Variants in TNR observed in about 807,000 individuals in gnomAD.
TNR encodes the protein tenascin R.
In TNR, 45 loss-of-function variants were observed where a neutral mutation model predicts 150.4. The observed-to-expected ratio is 0.30, with a 90% CI of 0.24 to 0.38. The LOEUF (loss-of-function observed/expected upper bound fraction) is 0.38, where lower values mean the gene tolerates loss of function less well. Ranked by LOEUF, TNR falls within the 10% of genes least tolerant of loss-of-function variation. The pLI, the probability that TNR is intolerant of heterozygous loss-of-function variation, is 1.00. For synonymous variants in TNR, 687 were observed against 678.4 expected (o/e 1.01, Z -0.20); for missense variants, 1,544 against 1,759.1 (o/e 0.88, Z 2.19).
chr1:175,679,642 T>G (rs759879543), intron 1 of TNR, among the ~76,000 whole-genome samples: 1 of 152,110 alleles, frequency 6.6e-6, no homozygotes, highest in Non-Finnish European at 1.5e-5. Flanking sequence ...AATCAAAGAT[T>G]TCTTGGAAGA....
chr1:175,362,950 G>A, intron 13 of TNR, 141 bp from the exon 14 acceptor site: 1 of 1,061,418 alleles, frequency 9.4e-7, no homozygotes, highest in East Asian at 2.4e-5. Flanking sequence ...TTCATGGGCT[G>A]GGAATGTTGG....
chr1:175,326,171 AG>A (rs1649379732), intron 21 of TNR, among the ~76,000 whole-genome samples: 1 of 152,150 alleles, frequency 6.6e-6, no homozygotes, highest in Non-Finnish European at 1.5e-5. Flanking sequence ...GATATTGTGC[AG>A]GGGGCTCAGG....
Position 175,403,629 on chromosome 1 carries a change from AG to A in TNR, c.500-14del. 6.2e-7 allele frequency: 1 copy of A among 1,600,208 alleles called. No individual in the cohort carries two copies. Among genetic ancestry groups the A allele is most frequent in the Non-Finnish European group, 8.5e-7 (1 of 1,170,830 alleles). ...TAGTCCAGTTGTCCTGGAATGGTCAAGGAGAAGGTCAAAGAGCAGCAGTGGC... is the reference window on the plus strand; with the variant it reads ...TAGTCCAGTTGTCCTGGAATGGTCAAGAGAAGGTCAAAGAGCAGCAGTGGC... On this transcript the variant is annotated splice_polypyrimidine_tract_variant and intron_variant, in intron 3 of 22. Coordinates refer to ENST00000367674, the MANE Select transcript of TNR (RefSeq NM_003285.3).
At chr1:175,516,672 A>C (rs896981613) in intron 2 of TNR, among the ~76,000 whole-genome samples, 9 of 152,340 alleles carry the variant, frequency 5.9e-5, no homozygotes, top group Non-Finnish European at 1.3e-4. Context: ...GAGCTTTTCC[A>C]AAGTGACTAT....
chr1:175,523,216 T>C (rs1659713539), intron 2 of TNR, among the ~76,000 whole-genome samples: 1 of 152,242 alleles, frequency 6.6e-6, no homozygotes, highest in Non-Finnish European at 1.5e-5. Context: ...AGAGAATACT[T>C]GTTTACCATT....
intron 2 of TNR, among the ~76,000 whole-genome samples, chr1:175,447,055 A>G (rs543146695): frequency 6.6e-6 from 1 of 152,148 alleles, no homozygotes; most frequent in Non-Finnish European, 1.5e-5. Context: ...GTTTGCGTGT[A>G]TGTGCATGTG....
At chr1:175,346,835 T>C (rs1385339139) in intron 18 of TNR, among the ~76,000 whole-genome samples, 1 of 150,200 alleles carries the variant, frequency 6.7e-6, no homozygotes, top group African/African-American at 2.4e-5. Flanking sequence ...AATAACAATG[T>C]GCCCAGGTGG....
rs141693438 is a variant in TNR, at chr1:175,578,194, A to G, written c.-164-49825T>C. 3.3e-3 allele frequency among the ~76,000 whole-genome samples: 496 copies of G among 152,126 alleles called. 4 individuals are homozygous for G. The highest frequency in any genetic ancestry group is 5.8e-3 in the Admixed American group (88 of 15,288). On this transcript the variant is annotated intron_variant, in intron 1 of 22. Coordinates refer to ENST00000367674, the MANE Select transcript of TNR (RefSeq NM_003285.3). ...AGTAGGTTCCACTTGTCAAATGTGG[A>G]CGTGGGTGTGAGGTGGAGCGGGCAG...
chr1:175,354,405 G>C lies in TNR; in HGVS notation c.3368C>G (p.Thr1123Ser). The C allele has an allele frequency of 6.2e-7, 1 of 1,614,024 alleles. No individual in the cohort carries two copies. Among genetic ancestry groups the C allele is most frequent in the Non-Finnish European group, 8.5e-7 (1 of 1,179,924 alleles). Reference sequence around the variant, plus strand: ...TGCTCCCTCACCTGTGGTGAAAGCGGTGGAGGTGATGCTGCTCCACGTGGT... The same window carrying C: ...TGCTCCCTCACCTGTGGTGAAAGCGCTGGAGGTGATGCTGCTCCACGTGGT... Reference protein sequence around the residue: ...QDTTWSSITSTAFTTGGRVFP... With the variant: ...QDTTWSSITSSAFTTGGRVFP... The change falls in exon 18 of 23, where the codon ACC (threonine) becomes AGC (serine). Residue 1123 changes from threonine to serine, a missense_variant. Coordinates refer to ENST00000367674, the MANE Select transcript of TNR (RefSeq NM_003285.3).
In TNR at chr1:175,362,681, AGAT is replaced by A; in HGVS notation, c.2833_2835del (p.Ile945del). 1 of 1,614,104 alleles carries A rather than the reference AGAT, an allele frequency of 6.2e-7. No individual in the cohort carries two copies. Among genetic ancestry groups the A allele is most frequent in the Non-Finnish European group, 8.5e-7 (1 of 1,179,966 alleles). ...TTCCCACCTGTGTGCACAAGAGTAC[AGAT>A]GCGCTCGCTTTCCTCCCTGCCCCGC... On this transcript the variant is annotated inframe_deletion, in exon 14 of 23. Coordinates refer to ENST00000367674, the MANE Select transcript of TNR (RefSeq NM_003285.3).
intron 1 of TNR, among the ~76,000 whole-genome samples, chr1:175,580,288 C>T (rs143384275): frequency 3.3e-5 from 5 of 152,224 alleles, no homozygotes; most frequent in East Asian, 1.9e-4. Context: ...TTGTATGCCC[C>T]GTAGAACCTG....
intron 9 of TNR, 121 bp from the exon 10 acceptor site, chr1:175,367,418 C>T (rs1173430173): frequency 3.8e-6 from 3 of 799,224 alleles, no homozygotes; most frequent in African/African-American, 1.7e-5. Context: ...CTCCTTGAAT[C>T]CTCTCCTAAT....
intron 20 of TNR, among the ~76,000 whole-genome samples, chr1:175,330,893 T>C (rs1323360947): frequency 6.6e-6 from 1 of 152,224 alleles, no homozygotes; most frequent in African/African-American, 2.4e-5. Context: ...TTCATCTGCT[T>C]CTTCCTTTGC....
intron 2 of TNR, among the ~76,000 whole-genome samples, chr1:175,434,850 T>G (rs1206916204): frequency 6.6e-6 from 1 of 152,194 alleles, no homozygotes; most frequent in African/African-American, 2.4e-5. Context: ...CCCCATCACA[T>G]GCACCTTACC....
intron 21 of TNR, among the ~76,000 whole-genome samples, chr1:175,327,500 C>T (rs899384336): frequency 5.3e-5 from 8 of 152,156 alleles, no homozygotes; most frequent in African/African-American, 1.9e-4. Context: ...TCCTAAACCC[C>T]ACTTCTATTT....
chr1:175,587,100 CTT>C (rs1235049827), intron 1 of TNR, among the ~76,000 whole-genome samples: 7 of 152,180 alleles, frequency 4.6e-5, no homozygotes, highest in Admixed American at 1.3e-4. Context: ...GTCAACATGA[CTT>C]TTCCTTCAAG....
rs1464334731 is a variant in TNR at position 175,406,439 on chromosome 1, AC to A, written c.275del (p.Ser92MetfsTer47). The stretch of plus-strand genomic sequence containing the variant: ...ACTCTGCCAGAGTCTCGTCTTCTGC[AC>A]TCACCTCCTGCTCAGCAGAGGCCTC... ...GLEASAEQEVSAEDETLAEYM... is the reference protein window; with the variant it reads ...GLEASAEQEVXAEDETLAEYM... On this transcript the variant is annotated frameshift_variant, in exon 3 of 23. Transcript: ENST00000367674. LOFTEE classifies it high-confidence loss of function. 6.2e-7 allele frequency: 1 copy of A among 1,613,884 alleles called. No individual in the cohort carries two copies. The highest frequency in any genetic ancestry group is 8.5e-7 in the Non-Finnish European group (1 of 1,180,014).
chr1:175,591,714 G>A (rs138063108), intron 1 of TNR, among the ~76,000 whole-genome samples: 1 of 152,328 alleles, frequency 6.6e-6, no homozygotes, highest in East Asian at 1.9e-4. Flanking sequence ...GTGAAGCTAG[G>A]TGGCCAGTAA....
intron 2 of TNR, among the ~76,000 whole-genome samples, chr1:175,414,171 GA>G (rs1266300486): frequency 6.6e-6 from 1 of 152,016 alleles, no homozygotes; most frequent in Non-Finnish European, 1.5e-5. Context: ...CCAGCTTCTA[GA>G]ATGGTGAGAA....
Sources: allele counts gnomAD v4.1 joint callset (sites outside exome capture counted in the v4.1 genomes callset), GRCh38; gene constraint gnomAD v4.1.1; transcripts MANE v1.5; gene names NCBI Gene and HGNC (gene_info 2026-07-23, HGNC 2026-07-21).